Variants in PCP4 observed in about 807,000 individuals in gnomAD.
PCP4 encodes the protein Purkinje cell protein 4.
A neutral mutation model predicts 10.0 loss-of-function variants in PCP4; 8 were observed. The observed-to-expected ratio is 0.80, with a 90% confidence interval of 0.47 to 1.45. PCP4 has a LOEUF of 1.45. Among genes scored for constraint, PCP4 ranks in the 40% most tolerant of loss-of-function variants. The probability of loss-of-function intolerance (pLI) is 0.00; values close to 1 mark genes in which losing one functional copy is unlikely to be tolerated. For synonymous variants in PCP4, 21 were observed against 23.0 expected, an observed-to-expected ratio of 0.91 and a Z score of 0.24; for missense variants, 54 against 74.4, an observed-to-expected ratio of 0.73 and a Z score of 1.01.
chr21:39,898,401 A>G, intron 1 of PCP4, 75 bp from the exon 2 acceptor site: 1 of 1,179,896 alleles, frequency 8.5e-7, no homozygotes, highest in Non-Finnish European at 1.3e-6. Flanking sequence ...AGATGTTTGC[A>G]ACAATAAAAG....
At chr21:39,925,473 G>A (rs574051627) in intron 2 of PCP4, among the ~76,000 whole-genome samples, 3 of 152,224 alleles carry the variant, frequency 2.0e-5, no homozygotes. Context: ...TAAGCTGTTG[G>A]AACAAGGCGG....
Position 39,884,757 on chromosome 21 carries a change from C to T in PCP4, c.10-13719C>T, listed in dbSNP as rs139611141. On this transcript the variant is annotated intron_variant, in intron 1 of 2. Coordinates refer to ENST00000328619, the MANE Select transcript of PCP4 (RefSeq NM_006198.3). ...AGGTTGCAGTGAGTGGAGATCATGC[C>T]ACTGCACTCCAGGCTGGGTGACAGA... Among the ~76,000 whole-genome samples, 469 of 151,976 alleles carry T rather than the reference C, an allele frequency of 3.1e-3. 3 individuals are homozygous for T. The highest frequency in any genetic ancestry group is 3.3e-3 in the Non-Finnish European group (227 of 67,988).
chr21:39,927,236 G>C (rs1459480957), intron 2 of PCP4, among the ~76,000 whole-genome samples: 1 of 151,840 alleles, frequency 6.6e-6, no homozygotes, highest in Middle Eastern at 3.2e-3. Flanking sequence ...CTGTCTATCT[G>C]TATTTGTCTA....
At position 39,881,112 on chromosome 21, in the gene PCP4, A is replaced by G. The variant is rs548854568; in HGVS notation, c.9+13602A>G. Among the ~76,000 whole-genome samples, 5 of 152,130 alleles carry G rather than the reference A, an allele frequency of 3.3e-5. No individual in the cohort carries two copies. In the East Asian group the frequency reaches 5.8e-4, roughly 18 times the overall value. ...TACCTGTCTGCTAATCTGAGTCTCA[A>G]TCCACTTCTTGGGCTGTGACAGCTG... On this transcript the variant is annotated intron_variant, in intron 1 of 2. Coordinates refer to ENST00000328619, the MANE Select transcript of PCP4 (RefSeq NM_006198.3).
chr21:39,878,935 T>G (rs1182458333), intron 1 of PCP4, among the ~76,000 whole-genome samples: 1 of 152,064 alleles, frequency 6.6e-6, no homozygotes, highest in Admixed American at 6.6e-5. Flanking sequence ...GTTCTATACC[T>G]CAGAAATGTG....
At chr21:39,928,531 T>C (rs2087635776) in intron 2 of PCP4, among the ~76,000 whole-genome samples, 1 of 152,332 alleles carries the variant, frequency 6.6e-6, no homozygotes, top group African/African-American at 2.4e-5. Flanking sequence ...AATAAGCAAA[T>C]CTTTCCTGAG....
chr21:39,897,116 A>G (rs1488659190), intron 1 of PCP4, among the ~76,000 whole-genome samples: 3 of 152,092 alleles, frequency 2.0e-5, no homozygotes, highest in Non-Finnish European at 2.9e-5. Flanking sequence ...TTGGCTGGGC[A>G]TGGTGGCTCA....
At chr21:39,884,799 A>AG (rs1479741092) in intron 1 of PCP4, among the ~76,000 whole-genome samples, 141 of 127,042 alleles carry the variant, frequency 1.1e-3, no homozygotes, top group African/African-American at 4.8e-3. Context: ...TCCGTCTTAA[A>AG]AAGAGAGAGA....
chr21:39,879,808 A>T (rs939065057), intron 1 of PCP4, among the ~76,000 whole-genome samples: 3 of 152,214 alleles, frequency 2.0e-5, no homozygotes, highest in Admixed American at 2.0e-4. Context: ...AAAGCCTGTG[A>T]CAGGGAGTAG....
At chr21:39,878,880 A>T (rs559632673) in intron 1 of PCP4, among the ~76,000 whole-genome samples, 1 of 152,294 alleles carries the variant, frequency 6.6e-6, no homozygotes, top group South Asian at 2.1e-4. Context: ...GTCTTGTCAA[A>T]ATATCTAGAT....
chr21:39,915,436 A>G (rs1223891832), intron 2 of PCP4, among the ~76,000 whole-genome samples: 1 of 152,208 alleles, frequency 6.6e-6, no homozygotes, highest in African/African-American at 2.4e-5. Flanking sequence ...TTATACACTG[A>G]TTATCACACA....
chr21:39,915,869 G>T (rs1251540652), intron 2 of PCP4, among the ~76,000 whole-genome samples: 1 of 152,056 alleles, frequency 6.6e-6, no homozygotes, highest in African/African-American at 2.4e-5. Flanking sequence ...CCCAGATCAG[G>T]GGTTTTGGAA....
rs144994011 is a variant in PCP4 at position 39,902,876 on chromosome 21, A to G, written c.61+4349A>G. 6.2e-3 allele frequency among the ~76,000 whole-genome samples: 937 copies of G among 152,342 alleles called. 10 individuals carry two copies. The highest frequency in any genetic ancestry group is 0.021 in the African/African-American group (887 of 41,578). Reference sequence around the variant, plus strand: ...GGAAATAACTTTCTACTTGAAAGAAACAATAGCTCATAGCTTCCATTATAA... The same window carrying G: ...GGAAATAACTTTCTACTTGAAAGAAGCAATAGCTCATAGCTTCCATTATAA... On this transcript the variant is annotated intron_variant, in intron 2 of 2. Coordinates refer to ENST00000328619, the MANE Select transcript of PCP4 (RefSeq NM_006198.3).
At chr21:39,924,908 G>A (rs934330129) in intron 2 of PCP4, among the ~76,000 whole-genome samples, 11 of 152,272 alleles carry the variant, frequency 7.2e-5, no homozygotes, top group Middle Eastern at 3.4e-3. Context: ...TTAGAAACCC[G>A]CCTGGAGCTT....
At chr21:39,891,956 C>T (rs1053048517) in intron 1 of PCP4, among the ~76,000 whole-genome samples, 3 of 152,230 alleles carry the variant, frequency 2.0e-5, no homozygotes, top group Admixed American at 6.5e-5. Context: ...CACAGCACCA[C>T]AGGGAGGGGT....
At chr21:39,888,837 T>C (rs113849836) in intron 1 of PCP4, among the ~76,000 whole-genome samples, 3,606 of 152,310 alleles carry the variant, frequency 0.024, 147 homozygotes, top group African/African-American at 0.082. Context: ...TGGCTGAGTC[T>C]GGGTACCTGT....
chr21:39,872,742 G>T (rs914821106), intron 1 of PCP4, among the ~76,000 whole-genome samples: 1 of 152,138 alleles, frequency 6.6e-6, no homozygotes. Context: ...AATAAGTTTT[G>T]GGATGTGGAT....
intron 1 of PCP4, among the ~76,000 whole-genome samples, chr21:39,893,009 G>A (rs933462445): frequency 6.6e-6 from 1 of 152,098 alleles, no homozygotes; most frequent in Non-Finnish European, 1.5e-5. Context: ...TCGTAGACAC[G>A]GAGGGTAGAA....
chr21:39,895,370 C>A (rs1379666659), intron 1 of PCP4, among the ~76,000 whole-genome samples: 2 of 152,202 alleles, frequency 1.3e-5, no homozygotes, highest in East Asian at 3.9e-4. Flanking sequence ...TCTGCTTATT[C>A]CTAAAAGCCA....
Sources: allele counts gnomAD v4.1 joint callset (sites outside exome capture counted in the v4.1 genomes callset), GRCh38; gene constraint gnomAD v4.1.1; transcripts MANE v1.5; gene names NCBI Gene and HGNC (gene_info 2026-07-23, HGNC 2026-07-21).